STARD3: variants seen among roughly 807,000 people sequenced by gnomAD.
STARD3 encodes StAR related lipid transfer domain containing 3.
A neutral mutation model predicts 62.0 loss-of-function variants in STARD3; 39 were observed. The observed-to-expected ratio is 0.63, with a 90% CI of 0.49 to 0.82. The LOEUF (loss-of-function observed/expected upper bound fraction) is 0.82. Among genes scored for constraint, STARD3 ranks in the 40% least tolerant of loss-of-function variants. The pLI is 0.00. For missense variants in STARD3, 543 were observed against 584.5 expected (o/e 0.93, Z 0.73); for synonymous variants, 229 against 242.4 (o/e 0.94, Z 0.51).
In STARD3 at chr17:39,644,115, G is replaced by C. The variant is rs551310029; in HGVS notation, c.-52+6884G>C. 2.6e-5 allele frequency among the ~76,000 whole-genome samples: 4 copies of C among 152,322 alleles called. No individual in the cohort carries two copies. The South Asian group carries it at 8.3e-4, about 32-fold the overall frequency. ...TGCTAGCATTTCCTGTGGATTATGG[G>C]AGGGGGATGTGTGGAGGACCTGTGT... On this transcript the variant is annotated intron_variant, in intron 1 of 14. Transcript: ENST00000336308.
intron 1 of STARD3, among the ~76,000 whole-genome samples, chr17:39,642,437 G>A (rs1417441015): frequency 6.6e-6 from 1 of 152,182 alleles, no homozygotes; most frequent in Non-Finnish European, 1.5e-5. Context: ...GGCAGCCTGG[G>A]CAGGGAGGGG....
intron 1 of STARD3, 28 bp from the exon 2 acceptor site, chr17:39,653,453 C>A: frequency 6.8e-7 from 1 of 1,469,822 alleles, no homozygotes; most frequent in Non-Finnish European, 9.2e-7. Flanking sequence ...AGGAGTTTGA[C>A]AGGACTCTGC....
intron 1 of STARD3, among the ~76,000 whole-genome samples, chr17:39,644,852 A>C (rs891732233): frequency 7.6e-5 from 9 of 118,530 alleles, no homozygotes; most frequent in Admixed American, 7.0e-4. Flanking sequence ...ACAGAGTCTC[A>C]AAAAAAAAAA....
intron 1 of STARD3, among the ~76,000 whole-genome samples, chr17:39,647,953 T>C (rs1306685025): frequency 3.3e-5 from 5 of 152,096 alleles, no homozygotes; most frequent in Admixed American, 3.3e-4. Context: ...AAGACCAGCC[T>C]GGGCAACATA....
At chr17:39,658,322 G>A (rs2057154781) in intron 5 of STARD3, 83 bp from the exon 6 acceptor site, 1 of 1,302,886 alleles carries the variant, frequency 7.7e-7, no homozygotes, top group Non-Finnish European at 1.1e-6. Context: ...TGCCAGTTTG[G>A]CTGGCTAGAG....
At chr17:39,646,748 G>A (rs933091765) in intron 1 of STARD3, among the ~76,000 whole-genome samples, 9 of 152,174 alleles carry the variant, frequency 5.9e-5, no homozygotes, top group African/African-American at 2.2e-4. Flanking sequence ...TTACAAGTGG[G>A]GCTGGTACTA....
chr17:39,638,446 C>T (rs560340205), intron 1 of STARD3, among the ~76,000 whole-genome samples: 1 of 152,260 alleles, frequency 6.6e-6, no homozygotes, highest in Non-Finnish European at 1.5e-5. Flanking sequence ...TAATACGGCA[C>T]TGCAGCATGC....
intron 14 of STARD3, 48 bp downstream of exon 14, chr17:39,662,392 C>T: frequency 6.4e-7 from 1 of 1,565,074 alleles, no homozygotes; most frequent in Non-Finnish European, 8.8e-7. Flanking sequence ...GTGGAGGGGA[C>T]CCTGCTGCTG....
intron 9 of STARD3, 146 bp downstream of exon 9, chr17:39,659,699 A>G: frequency 1.2e-6 from 1 of 839,974 alleles, no homozygotes; most frequent in Non-Finnish European, 1.8e-6. Flanking sequence ...TCGGGTCGGC[A>G]GGAGGCTGGG....
At chr17:39,656,786 C>A (rs144098142) in intron 2 of STARD3, 2 of 545,628 alleles carry the variant, frequency 3.7e-6, no homozygotes, top group East Asian at 3.1e-5. Context: ...CCCTGCCCAT[C>A]GGGGCGGCCT....
intron 8 of STARD3, 66 bp downstream of exon 8, chr17:39,659,172 G>A (rs1173329774): frequency 6.3e-7 from 1 of 1,597,952 alleles, no homozygotes; most frequent in Non-Finnish European, 8.6e-7. Flanking sequence ...CGGGTGCAGG[G>A]GTCAGCCGGG....
rs45519441 is a variant in STARD3, at chr17:39,663,958, C to T, written c.*1050C>T. On this transcript the variant is annotated 3_prime_UTR_variant, in exon 15 of 15. Coordinates refer to ENST00000336308, the MANE Select transcript of STARD3 (RefSeq NM_006804.4). ...ACCAGGGGCGGCCTGGAGCCCGGAT[C>T]GCAGGGCGGGGCCAGGCCACTGCCT... 1.3e-4 allele frequency among the ~76,000 whole-genome samples: 20 copies of T among 152,220 alleles called. No homozygotes were observed. The highest frequency in any genetic ancestry group is 4.1e-4 in the South Asian group (2 of 4,822).
chr17:39,641,942 C>G (rs565066201), intron 1 of STARD3, among the ~76,000 whole-genome samples: 10 of 152,144 alleles, frequency 6.6e-5, no homozygotes, highest in Admixed American at 3.9e-4. Context: ...CAGATGGCCT[C>G]GAGACATCTA....
Position 39,661,049 on chromosome 17 carries a change from C to T in STARD3, c.1103C>T (p.Ser368Leu). ...DRYLSSGIAT[S>L]HSAKPPTHKY... is the part of the protein sequence containing the mutation. The stretch of plus-strand genomic sequence containing the variant: ...TACTTGTCATCAGGGATCGCCACCT[C>T]ACACAGTGCCAAGCCCCCGACGCAC... The change falls in exon 13 of 15, where the codon TCA becomes TTA. Residue 368 changes from serine (S) to leucine (L), a missense_variant. Transcript: ENST00000336308. 1 of 1,613,732 alleles carries T rather than the reference C, an allele frequency of 6.2e-7. No individual in the cohort carries two copies. The highest frequency in any genetic ancestry group is 8.5e-7 in the Non-Finnish European group (1 of 1,180,030).
chr17:39,660,869 G>C lies in STARD3; in HGVS notation c.1014G>C (p.Ala338=), dbSNP rs141159762. The change falls in exon 12 of 15, where the codon GCG becomes GCC. Residue 338 remains alanine, a synonymous_variant. Coordinates refer to ENST00000336308, the MANE Select transcript of STARD3 (RefSeq NM_006804.4). The surrounding 1 kb of genome is among the most constrained non-coding windows in gnomAD (Gnocchi z 4.8). ...CCTATGACGTGTCTGCAGGGGCTGC[G>C]GGCGGCGTGGTCTCCCCAAGGTGAG... The part of the protein sequence containing the change: ...LISYDVSAGA[A]GGVVSPRDFV... The C allele has an allele frequency of 1.9e-6, 3 of 1,600,488 alleles. No individual in the cohort carries two copies. The highest frequency in any genetic ancestry group is 1.3e-5 in the African/African-American group (1 of 74,746).
At chr17:39,659,770 T>G in intron 9 of STARD3, 2 of 478,366 alleles carry the variant, frequency 4.2e-6, no homozygotes, top group East Asian at 3.8e-5. Flanking sequence ...CCATGTTTAC[T>G]TCCCTGCTGT....
intron 14 of STARD3, chr17:39,662,586 G>C: frequency 1.6e-6 from 1 of 628,696 alleles, no homozygotes; most frequent in Admixed American, 3.0e-5. Flanking sequence ...GTGGCTGGTG[G>C]CCAGCCCGGC....
chr17:39,645,222 G>T (rs2057014552), intron 1 of STARD3, among the ~76,000 whole-genome samples: 1 of 152,168 alleles, frequency 6.6e-6, no homozygotes, highest in African/African-American at 2.4e-5. Context: ...CCAGGAGCCA[G>T]GACAGTCCTC....
At position 39,657,035 on chromosome 17, in the gene STARD3, G is replaced by C. The variant is rs142439753; in HGVS notation, c.247G>C (p.Glu83Gln). 98 of 1,614,062 alleles carry C rather than the reference G, an allele frequency of 6.1e-5. No homozygotes were observed. Among genetic ancestry groups the C allele is most frequent in the Non-Finnish European group, 7.6e-5 (90 of 1,180,038 alleles). The change falls in exon 3 of 15, where the codon GAG (glutamate) becomes CAG (glutamine). Residue 83 changes from glutamate (E) to glutamine (Q), a missense_variant. Physicochemically the swap from Glu to Gln is conservative, Grantham distance 29. Transcript: ENST00000336308. ...NTNTGIRKNL[E>Q]QEIIQYNFKT... is the part of the protein sequence containing the mutation. ...CAACACAGGCATCCGTAAGAACTTG[G>C]AGCAGGAGATCATCCAGTACAACTT...
Sources: allele counts gnomAD v4.1 joint callset (sites outside exome capture counted in the v4.1 genomes callset), GRCh38; gene constraint gnomAD v4.1.1; non-coding constraint Gnocchi (gnomAD v3.1); transcripts MANE v1.5; gene names NCBI Gene and HGNC (gene_info 2026-07-23, HGNC 2026-07-21).